Variants in ZNF713 observed in about 807,000 individuals in gnomAD.
The protein encoded by ZNF713 is zinc finger protein 713.
ZNF713 carries 21 observed loss-of-function variants against 28.7 expected under a neutral mutation model. The observed-to-expected ratio is 0.73, with a 90% CI of 0.52 to 1.05. ZNF713 has a LOEUF of 1.05. Ranked by LOEUF, ZNF713 falls within the 50% of genes least tolerant of loss-of-function variation. The pLI, the probability that ZNF713 is intolerant of heterozygous loss-of-function variation, is 0.00. For synonymous variants in ZNF713, 167 were observed against 178.0 expected, an observed-to-expected ratio of 0.94 and a Z score of 0.49; for missense variants, 458 against 532.4, an observed-to-expected ratio of 0.86 and a Z score of 1.37.
chr7:55,932,848 C>T (rs1227786323), intron 6 of ZNF713, among the ~76,000 whole-genome samples: 3 of 130,468 alleles, frequency 2.3e-5, no homozygotes, highest in African/African-American at 8.9e-5. Flanking sequence ...TGCGCCACTG[C>T]AGTCCGCAGT....
Position 55,939,727 on chromosome 7 carries a change from T to C in ZNF713, c.1053T>C (p.Phe351=). 6.2e-7 allele frequency: 1 copy of C among 1,614,186 alleles called. No homozygotes were observed. Reference sequence around the variant, plus strand: ...AATGTAATCAATGTGGTAAAGCTTTTAGCCGCATCACATCCCTTACTGAAC... The same window carrying C: ...AATGTAATCAATGTGGTAAAGCTTTCAGCCGCATCACATCCCTTACTGAAC... ...PYKCNQCGKA[F]SRITSLTEHH... is the part of the protein sequence containing the mutation. The change falls in exon 7 of 7, where the codon TTT becomes TTC. Residue 351 remains phenylalanine, a synonymous_variant. Transcript: ENST00000429591.
chr7:55,889,095 A>T (rs1169776142), intron 1 of ZNF713, among the ~76,000 whole-genome samples: 1 of 140,710 alleles, frequency 7.1e-6, no homozygotes, highest in East Asian at 2.2e-4. Flanking sequence ...GTGTCCTTTC[A>T]TATAATGATT....
intron 6 of ZNF713, among the ~76,000 whole-genome samples, chr7:55,937,223 C>A (rs1201266937): frequency 6.6e-6 from 1 of 152,016 alleles, no homozygotes; most frequent in Admixed American, 6.6e-5. Flanking sequence ...TCGCTTGAAC[C>A]CACAAGACAA....
intron 1 of ZNF713, among the ~76,000 whole-genome samples, chr7:55,897,937 T>C (rs1785503487): frequency 6.6e-6 from 1 of 152,194 alleles, no homozygotes; most frequent in African/African-American, 2.4e-5. Flanking sequence ...ATGAGATGAC[T>C]GGTGACTCCA....
Position 55,939,893 on chromosome 7 carries a change from T to C in ZNF713, c.1219T>C (p.Phe407Leu). 1 of 1,614,110 alleles carries C rather than the reference T, an allele frequency of 6.2e-7. No homozygotes were observed. The highest frequency in any genetic ancestry group is 2.2e-5 in the East Asian group (1 of 44,882). Residue 407 changes from phenylalanine (F) to leucine (L), a missense_variant, in exon 7 of 7, where the codon TTT (phenylalanine) becomes CTT (leucine). Physicochemically the swap from Phe to Leu is conservative, Grantham distance 22. Coordinates refer to ENST00000429591, the MANE Select transcript of ZNF713 (RefSeq NM_182633.3). ...TAAATGTAATGAATGCGGGAAAGCCTTTAGCCAGAGTGCACACCTTAATCA... is the reference window on the plus strand; with the variant it reads ...TAAATGTAATGAATGCGGGAAAGCCCTTAGCCAGAGTGCACACCTTAATCA... Reference protein sequence around the residue: ...PYKCNECGKAFSQSAHLNQHR... With the variant: ...PYKCNECGKALSQSAHLNQHR...
chr7:55,908,228 C>T (rs190986037), intron 2 of ZNF713, among the ~76,000 whole-genome samples: 5 of 149,840 alleles, frequency 3.3e-5, no homozygotes, highest in Non-Finnish European at 7.4e-5. Context: ...GTGCAACCTC[C>T]GTCTCCCAGG....
intron 1 of ZNF713, among the ~76,000 whole-genome samples, chr7:55,892,831 A>G (rs956362867): frequency 2.7e-5 from 4 of 146,654 alleles, no homozygotes; most frequent in Admixed American, 1.4e-4. Flanking sequence ...AGATCATGCC[A>G]TTGCACTCCA....
chr7:55,923,494 C>A, intron 5 of ZNF713, 113 bp from the exon 6 acceptor site: 1 of 1,106,398 alleles, frequency 9.0e-7, no homozygotes, highest in South Asian at 1.6e-5. Context: ...CTTTATTTTG[C>A]TGCCTCTGAA....
intron 6 of ZNF713, among the ~76,000 whole-genome samples, chr7:55,933,776 C>T (rs1473656029): frequency 1.3e-5 from 2 of 152,170 alleles, no homozygotes; most frequent in East Asian, 3.8e-4. Flanking sequence ...ACAATCTCAG[C>T]TCACGGCAAC....
At chr7:55,931,753 C>T (rs1786214938) in intron 6 of ZNF713, among the ~76,000 whole-genome samples, 1 of 152,202 alleles carries the variant, frequency 6.6e-6, no homozygotes, top group Non-Finnish European at 1.5e-5. Flanking sequence ...CTTGGCAAGG[C>T]ATGCCCTGGT....
intron 1 of ZNF713, among the ~76,000 whole-genome samples, chr7:55,894,895 T>C (rs1785445944): frequency 6.6e-6 from 1 of 152,182 alleles, no homozygotes; most frequent in East Asian, 1.9e-4. Context: ...GAAAAGAAAA[T>C]TATACATTTA....
chr7:55,925,119 A>G (rs35811559), intron 6 of ZNF713, among the ~76,000 whole-genome samples: 7,097 of 152,086 alleles, frequency 0.047, 293 homozygotes, highest in East Asian at 0.22. Flanking sequence ...ACTGTACACC[A>G]GATGCTGAGT....
At chr7:55,890,176 G>A (rs964836654) in intron 1 of ZNF713, among the ~76,000 whole-genome samples, 2 of 152,046 alleles carry the variant, frequency 1.3e-5, no homozygotes, top group Non-Finnish European at 2.9e-5. Flanking sequence ...CAGGCCCGGC[G>A]CAGTGGCTCA....
intron 1 of ZNF713, among the ~76,000 whole-genome samples, chr7:55,897,034 A>G (rs1477959626): frequency 1.3e-5 from 2 of 152,198 alleles, no homozygotes; most frequent in African/African-American, 2.4e-5. Flanking sequence ...GTCTCTATAG[A>G]TATAAGCAAA....
intron 2 of ZNF713, among the ~76,000 whole-genome samples, chr7:55,907,438 G>GT (rs755358502): frequency 7.2e-5 from 11 of 152,156 alleles, no homozygotes; most frequent in Admixed American, 2.0e-4. Flanking sequence ...GTTCGTTCAT[G>GT]TTTCTGCAGA....
intron 1 of ZNF713, among the ~76,000 whole-genome samples, chr7:55,890,689 G>T (rs895628469): frequency 6.6e-6 from 1 of 152,026 alleles, no homozygotes; most frequent in South Asian, 2.1e-4. Context: ...GATATAAGAA[G>T]AATTATCCTG....
In ZNF713 at chr7:55,940,178, A is replaced by G. The variant is rs1014240220; in HGVS notation, c.*172A>G. 7.4e-6 allele frequency: 9 copies of G among 1,212,168 alleles called. No individual in the cohort carries two copies. Among genetic ancestry groups the G allele is most frequent in the Non-Finnish European group, 7.6e-6 (7 of 915,498 alleles). The allele number at this position is 1,212,168 out of a possible 1,614,324, so 75.1% of individuals were successfully genotyped here. On this transcript the variant is annotated 3_prime_UTR_variant, in exon 7 of 7. Transcript: ENST00000429591. ...CACTCTGTCACCCAGGCTGAAGTGCAGTGGTACAATCTTGGCTCACTGCAA... is the reference window on the plus strand; with the variant it reads ...CACTCTGTCACCCAGGCTGAAGTGCGGTGGTACAATCTTGGCTCACTGCAA...
At chr7:55,922,418 G>T (rs555635809) in intron 4 of ZNF713, among the ~76,000 whole-genome samples, 19 of 151,984 alleles carry the variant, frequency 1.3e-4, no homozygotes, top group African/African-American at 4.1e-4. Context: ...CACACCTGTA[G>T]TCCCAGCTAC....
At chr7:55,905,612 C>G (rs540401505) in intron 1 of ZNF713, among the ~76,000 whole-genome samples, 1 of 152,204 alleles carries the variant, frequency 6.6e-6, no homozygotes, top group South Asian at 2.1e-4. Context: ...GTTCTGCACC[C>G]TGGGTGCAGA....
Sources: gnomAD v4.1 joint callset for allele counts (sites outside exome capture counted in the v4.1 genomes callset) on GRCh38, gnomAD v4.1.1 for gene constraint, MANE v1.5 for transcripts, NCBI Gene and HGNC (gene_info 2026-07-23, HGNC 2026-07-21) for gene names.